Variants in CHEK2 observed in about 807,000 individuals in gnomAD.
CHEK2 encodes the protein checkpoint kinase 2.
Under a neutral mutation model 69.1 loss-of-function variants are expected in CHEK2, and 71 were observed. The observed-to-expected ratio is 1.03, with a 90% CI of 0.85 to 1.25. The LOEUF is 1.25. Among genes scored for constraint, CHEK2 ranks in the 50% most tolerant of loss-of-function variants. The pLI, the probability that CHEK2 is intolerant of heterozygous loss-of-function variation, is 0.00. For synonymous variants in CHEK2, 189 were observed against 226.9 expected, an observed-to-expected ratio of 0.83 and a Z score of 1.50; for missense variants, 664 against 649.6, an observed-to-expected ratio of 1.02 and a Z score of -0.24.
Position 28,740,163 on chromosome 22 carries a change from T to A in CHEK2, c.-7+1606A>T, listed in dbSNP as rs17885250. On this transcript the variant is annotated intron_variant, in intron 1 of 14. Coordinates refer to ENST00000404276, the MANE Select transcript of CHEK2 (RefSeq NM_007194.4). ...TTGCAGTGAGCCGAGATCGCACCAC[T>A]GCACTCCAGCCTGGTGACAAAGCGA... Among the ~76,000 whole-genome samples the A allele has an allele frequency of 5.9e-3, 900 of 152,322 alleles. 10 individuals carry two copies. Among genetic ancestry groups the A allele is most frequent in the African/African-American group, 0.02 (842 of 41,578 alleles).
At chr22:28,717,998 T>C (rs1328689399) in intron 5 of CHEK2, among the ~76,000 whole-genome samples, 1 of 152,168 alleles carries the variant, frequency 6.6e-6, no homozygotes, top group South Asian at 2.1e-4. Context: ...GAAGAATCGC[T>C]TGAACCCGGG....
chr22:28,737,975 G>C (rs753663794), intron 1 of CHEK2: 2 of 152,344 alleles, frequency 1.3e-5, no homozygotes, highest in African/African-American at 4.8e-5. Flanking sequence ...GGAGGCCAAC[G>C]CAGGTAGATT....
chr22:28,698,902 CTGAGT>C (rs2052702365), intron 9 of CHEK2, among the ~76,000 whole-genome samples: 1 of 152,116 alleles, frequency 6.6e-6, no homozygotes, highest in East Asian at 1.9e-4. Context: ...AGCTCCCACT[CTGAGT>C]TAAGAGAGAC....
chr22:28,696,373 T>TCATTCATTCA (rs1286355195), intron 10 of CHEK2, among the ~76,000 whole-genome samples: 3 of 152,148 alleles, frequency 2.0e-5, no homozygotes, highest in African/African-American at 4.8e-5. Flanking sequence ...GATTACTCAT[T>TCATTCATTCA]CATTCATTCA....
At chr22:28,697,409 T>C (rs2052635769) in intron 9 of CHEK2, among the ~76,000 whole-genome samples, 1 of 152,168 alleles carries the variant, frequency 6.6e-6, no homozygotes, top group African/African-American at 2.4e-5. Context: ...AAATATATAT[T>C]TGTAAATATC....
chr22:28,716,175 A>G (rs1202814502), intron 5 of CHEK2, among the ~76,000 whole-genome samples: 1 of 149,200 alleles, frequency 6.7e-6, no homozygotes, highest in Non-Finnish European at 1.5e-5. Context: ...ACCCAGCCTC[A>G]TACATTTCTT....
intron 4 of CHEK2, among the ~76,000 whole-genome samples, chr22:28,721,347 T>G (rs2053774723): frequency 6.9e-6 from 1 of 144,470 alleles, no homozygotes; most frequent in Admixed American, 7.5e-5. Context: ...AGTGCAATGG[T>G]GCAATCTTGG....
At chr22:28,692,949 C>A (rs1327980370) in intron 13 of CHEK2, among the ~76,000 whole-genome samples, 1 of 152,214 alleles carries the variant, frequency 6.6e-6, no homozygotes, top group Admixed American at 6.5e-5. Flanking sequence ...TAAGACATGC[C>A]TTCTTCCCCT....
intron 1 of CHEK2, among the ~76,000 whole-genome samples, chr22:28,740,148 C>T (rs2054515510): frequency 6.6e-6 from 1 of 152,184 alleles, no homozygotes; most frequent in Non-Finnish European, 1.5e-5. Flanking sequence ...TTGCAGTGAG[C>T]CGAGATCGCA....
intron 13 of CHEK2, among the ~76,000 whole-genome samples, chr22:28,689,564 C>T (rs1362439973): frequency 6.6e-6 from 1 of 152,150 alleles, no homozygotes; most frequent in African/African-American, 2.4e-5. Context: ...TGACTCCGTG[C>T]AGCTCCTCAA....
rs540635787 is a variant in CHEK2 at position 28,694,073 on chromosome 22, G to T, written c.1420C>A (p.Arg474Ser). ...CTTAAGGCTTCTTCTGTCGTAAAAC[G>T]TGCCTTTGGATCCACTACCAACAAC... Reference protein sequence around the residue: ...KKLLVVDPKARFTTEEALRHP... With the variant: ...KKLLVVDPKASFTTEEALRHP... Residue 474 changes from arginine to serine, a missense_variant, in exon 13 of 15, where the codon CGT becomes AGT. Transcript: ENST00000404276. The T allele has an allele frequency of 4.4e-6, 7 of 1,595,976 alleles. No homozygotes were observed. Among genetic ancestry groups the T allele is most frequent in the Middle Eastern group, 2.3e-4 (1 of 4,426 alleles).
At chr22:28,703,308 T>A (rs942254880) in intron 8 of CHEK2, among the ~76,000 whole-genome samples, 197 bp downstream of exon 8, 3 of 152,176 alleles carry the variant, frequency 2.0e-5, no homozygotes, top group Admixed American at 2.0e-4. Context: ...TGGAATCCCA[T>A]ACCACCTATT....
intron 4 of CHEK2, 25 bp from the exon 5 acceptor site, chr22:28,719,510 G>C (rs781636348): frequency 7.3e-7 from 1 of 1,372,424 alleles, no homozygotes; most frequent in South Asian, 1.2e-5. Flanking sequence ...AGTAGAAATG[G>C]GTTTCATTAA....
In CHEK2 at chr22:28,719,547, T is replaced by C. The variant is rs947014484; in HGVS notation, c.593-62A>G. On this transcript the variant is annotated intron_variant, in intron 4 of 14. Transcript: ENST00000404276. ...TTATTCACAAGAGGCGATCACTGAT[T>C]CTAAAATTTATTCATCATATGGAAT... 14 of 945,046 alleles carry C rather than the reference T, an allele frequency of 1.5e-5. No individual in the cohort carries two copies. The East Asian group carries it at 3.1e-4, about 21-fold the overall frequency. The allele number at this position is 945,046 out of a possible 1,614,324, so 58.5% of individuals were successfully genotyped here.
At chr22:28,714,289 G>A (rs576775665) in intron 5 of CHEK2, among the ~76,000 whole-genome samples, 32 of 152,258 alleles carry the variant, frequency 2.1e-4, no homozygotes, top group Non-Finnish European at 4.1e-4. Flanking sequence ...TCTCATTGTG[G>A]TTTTGATTTG....
chr22:28,708,360 A>AGTGTGTGTGTGT (rs1569135152), intron 7 of CHEK2, among the ~76,000 whole-genome samples: 1 of 51,626 alleles, frequency 1.9e-5, no homozygotes, highest in Non-Finnish European at 5.9e-5. Flanking sequence ...TGTCTCTAAA[A>AGTGTGTGTGTGT]ATATGTGTGT....
intron 13 of CHEK2, among the ~76,000 whole-genome samples, chr22:28,690,588 A>C (rs2052322982): frequency 6.7e-6 from 1 of 149,234 alleles, no homozygotes; most frequent in African/African-American, 2.5e-5. Context: ...GGATCACACC[A>C]CTGCACTCCA....
At chr22:28,692,119 CA>C (rs751921345) in intron 13 of CHEK2, among the ~76,000 whole-genome samples, 4 of 152,176 alleles carry the variant, frequency 2.6e-5, no homozygotes, top group Non-Finnish European at 4.4e-5. Context: ...CAAAAAAGTA[CA>C]AGAAAGATAG....
At chr22:28,690,181 T>C (rs1206069575) in intron 13 of CHEK2, among the ~76,000 whole-genome samples, 5 of 152,220 alleles carry the variant, frequency 3.3e-5, no homozygotes, top group South Asian at 4.2e-4. Context: ...ATTTGGCAAT[T>C]TGATGGATAT....
Sources: allele counts gnomAD v4.1 joint callset (sites outside exome capture counted in the v4.1 genomes callset), GRCh38; gene constraint gnomAD v4.1.1; transcripts MANE v1.5; gene names NCBI Gene and HGNC (gene_info 2026-07-23, HGNC 2026-07-21).